OPRK1: variants seen among roughly 807,000 people sequenced by gnomAD.
The protein encoded by OPRK1 is opioid receptor kappa 1, also known as kappa-type opioid receptor.
In OPRK1, 15 loss-of-function variants were observed where a neutral mutation model predicts 24.5. That is an observed-to-expected ratio of 0.61 (90% CI 0.41 to 0.94). OPRK1 has a LOEUF of 0.94. OPRK1 is among the 40% of genes least tolerant of loss of function. The probability of loss-of-function intolerance (pLI) is 0.00; values close to 1 mark genes in which losing one functional copy is unlikely to be tolerated. For synonymous variants in OPRK1, 205 were observed against 198.0 expected (o/e 1.04, Z -0.30); for missense variants, 479 against 507.3 (o/e 0.94, Z 0.54).
rs1211337997 is a variant in OPRK1 at position 53,234,864 on chromosome 8, A to T, written c.505T>A (p.Phe169Ile). Residue 169 changes from phenylalanine to isoleucine, a missense_variant, in exon 3 of 4, where the codon TTC becomes ATC. By Grantham distance (21) the Phe-to-Ile change is conservative (BLOSUM62 0). Coordinates refer to ENST00000265572, the MANE Select transcript of OPRK1 (RefSeq NM_000912.5). ...ATCTTTGCCTTCAAGGGTGTGCGGA[A>T]GTCCAAAGCCTTCACGGGGTGGCAC... ...AVCHPVKALD[F>I]RTPLKAKIIN... 2.5e-6 allele frequency: 4 copies of T among 1,614,090 alleles called. No homozygotes were observed. Among genetic ancestry groups the T allele is most frequent in the Non-Finnish European group, 3.4e-6 (4 of 1,180,048 alleles).
chr8:53,243,901 T>C (rs1471592836), intron 2 of OPRK1, among the ~76,000 whole-genome samples: 1 of 152,172 alleles, frequency 6.6e-6, no homozygotes, highest in South Asian at 2.1e-4. Flanking sequence ...ACAGGTACCA[T>C]ATTGTACCTT....
chr8:53,250,719 G>T, intron 2 of OPRK1, 62 bp downstream of exon 2: 1 of 1,489,348 alleles, frequency 6.7e-7, no homozygotes, highest in Non-Finnish European at 9.0e-7. Flanking sequence ...CTCCAGTGGC[G>T]GGGCCTGACC....
intron 3 of OPRK1, among the ~76,000 whole-genome samples, chr8:53,234,236 A>C (rs111835240): frequency 6.8e-6 from 1 of 147,624 alleles, no homozygotes; most frequent in African/African-American, 2.5e-5. Context: ...GTAAAACCTG[A>C]TATGTCCAAA....
At chr8:53,248,311 C>T (rs983729967) in intron 2 of OPRK1, among the ~76,000 whole-genome samples, 2 of 151,908 alleles carry the variant, frequency 1.3e-5, no homozygotes, top group East Asian at 3.9e-4. Flanking sequence ...CAGGTCTGAG[C>T]TGAACAGTCT....
chr8:53,236,857 G>C (rs7822011), intron 2 of OPRK1, among the ~76,000 whole-genome samples: 1 of 152,054 alleles, frequency 6.6e-6, no homozygotes, highest in African/African-American at 2.4e-5. Flanking sequence ...TCTGACTCCT[G>C]CTCTTGTATT....
chr8:53,241,451 C>T (rs189359468), intron 2 of OPRK1, among the ~76,000 whole-genome samples: 5 of 151,634 alleles, frequency 3.3e-5, no homozygotes, highest in South Asian at 4.2e-4. Flanking sequence ...ATGGCTTGAC[C>T]GCCCCACTGC....
chr8:53,232,295 C>T (rs1806874489), intron 3 of OPRK1, among the ~76,000 whole-genome samples: 2 of 151,778 alleles, frequency 1.3e-5, no homozygotes, highest in Admixed American at 1.3e-4. Context: ...ATACGAAATA[C>T]GCTTAGAAGA....
intron 2 of OPRK1, among the ~76,000 whole-genome samples, chr8:53,241,860 G>T (rs1201148219): frequency 4.6e-5 from 7 of 152,210 alleles, no homozygotes; most frequent in Non-Finnish European, 1.0e-4. Flanking sequence ...GAAGGGTAAC[G>T]GGGAGCGATG....
At chr8:53,248,825 G>A (rs1294601234) in intron 2 of OPRK1, among the ~76,000 whole-genome samples, 1 of 152,178 alleles carries the variant, frequency 6.6e-6, no homozygotes, top group Non-Finnish European at 1.5e-5. Flanking sequence ...AGAACTCTTC[G>A]CTTTTCATTC....
At chr8:53,229,974 A>T in intron 3 of OPRK1, 145 bp from the exon 4 acceptor site, 2 of 706,384 alleles carry the variant, frequency 2.8e-6, no homozygotes, top group Non-Finnish European at 4.6e-6. Flanking sequence ...TAGATCACCA[A>T]ATTACTAATG....
intron 3 of OPRK1, among the ~76,000 whole-genome samples, chr8:53,234,251 A>G (rs1806933059): frequency 1.3e-5 from 2 of 151,586 alleles, no homozygotes; most frequent in Admixed American, 1.3e-4. Flanking sequence ...TCCAAAATCA[A>G]GTGGTTCTGC....
intron 2 of OPRK1, among the ~76,000 whole-genome samples, chr8:53,248,220 T>C (rs975003882): frequency 3.9e-5 from 6 of 152,032 alleles, no homozygotes; most frequent in Non-Finnish European, 8.8e-5. Flanking sequence ...CGAGGCAGCA[T>C]TCCAGGGGCC....
chr8:53,237,871 G>A (rs553033584), intron 2 of OPRK1, among the ~76,000 whole-genome samples: 1 of 152,156 alleles, frequency 6.6e-6, no homozygotes, highest in Non-Finnish European at 1.5e-5. Context: ...TGATTTGTTT[G>A]GTGTCAGCAG....
In OPRK1 at chr8:53,249,229, G is replaced by T. The variant is rs185496488; in HGVS notation, c.257+1552C>A. On this transcript the variant is annotated intron_variant, in intron 2 of 3. Coordinates refer to ENST00000265572, the MANE Select transcript of OPRK1 (RefSeq NM_000912.5). ...TAAATATGATATGGGTAGAAACAGA[G>T]CTATTTTTTTTCCTAGAGCTTTCTT... Among the ~76,000 whole-genome samples, 792 of 152,234 alleles carry T rather than the reference G, an allele frequency of 5.2e-3. 8 individuals carry two copies. Among genetic ancestry groups the T allele is most frequent in the African/African-American group, 0.018 (732 of 41,542 alleles).
intron 2 of OPRK1, among the ~76,000 whole-genome samples, chr8:53,245,523 AG>A (rs1175172741): frequency 1.3e-5 from 2 of 152,196 alleles, no homozygotes; most frequent in Non-Finnish European, 2.9e-5. Flanking sequence ...AAACTAAGGG[AG>A]GCTCTAGAAA....
chr8:53,238,613 C>T (rs1807049034), intron 2 of OPRK1: 1 of 985,452 alleles, frequency 1.0e-6, no homozygotes, highest in Non-Finnish European at 1.2e-6. Context: ...CCCAGTGACA[C>T]TTTAACTCAA....
In OPRK1 at chr8:53,251,568, C is replaced by G. The variant is rs1055650789; in HGVS notation, c.-169G>C. 2 of 152,658 alleles carry G rather than the reference C, an allele frequency of 1.3e-5. No homozygotes were observed. Among genetic ancestry groups the G allele is most frequent in the South Asian group, 2.1e-4 (1 of 4,842 alleles). The allele number at this position is 152,658 out of a possible 1,614,324, so 9.5% of individuals were successfully genotyped here. A position where few individuals can be genotyped will look rare whatever the true frequency, so the allele number is the denominator to read the frequency against. On this transcript the variant is annotated 5_prime_UTR_variant, in exon 1 of 4. Coordinates refer to ENST00000265572, the MANE Select transcript of OPRK1 (RefSeq NM_000912.5). ...ATCACCTGCTCTCGGACCCCGGCCC[C>G]GCTCTCCGCCCGAGGGCTGCTGTTC...
In OPRK1 at chr8:53,250,781, CGG is replaced by C; in HGVS notation, c.255_256del (p.Ile85MetfsTer15). 1 of 1,604,392 alleles carries C rather than the reference CGG, an allele frequency of 6.2e-7. No individual in the cohort carries two copies. Among genetic ancestry groups the C allele is most frequent in the Non-Finnish European group, 8.5e-7 (1 of 1,174,900 alleles). On this transcript the variant is annotated frameshift_variant and splice_region_variant, in exon 2 of 4. Transcript: ENST00000265572. LOFTEE classifies it high-confidence loss of function. ...AGCGCTGCGCTGTCCCCGCGCTCAC[CGG>C]ATGATCACGAACATGACCAGCGAGT...
chr8:53,247,709 T>C (rs1019459919), intron 2 of OPRK1, among the ~76,000 whole-genome samples: 1 of 151,888 alleles, frequency 6.6e-6, no homozygotes, highest in South Asian at 2.1e-4. Context: ...AGAATCATGA[T>C]GGTCAGCCAA....
Sources: allele counts gnomAD v4.1 joint callset (sites outside exome capture counted in the v4.1 genomes callset), GRCh38; gene constraint gnomAD v4.1.1; transcripts MANE v1.5; gene names NCBI Gene and HGNC (gene_info 2026-07-23, HGNC 2026-07-21).